The following CWC27 variants were observed in gnomAD, a reference collection of about 807,000 sequenced individuals.
The protein encoded by CWC27 is spliceosome-associated protein CWC27 homolog.
Under a neutral mutation model 63.6 loss-of-function variants are expected in CWC27, and 47 were observed. The observed-to-expected ratio is 0.74, with a 90% confidence interval of 0.58 to 0.94. The LOEUF (loss-of-function observed/expected upper bound fraction) is 0.94. CWC27 is among the 40% of genes least tolerant of loss of function. CWC27 has a pLI of 0.00. For synonymous variants in CWC27, 175 were observed against 179.8 expected (o/e 0.97, Z 0.22); for missense variants, 495 against 554.3 (o/e 0.89, Z 1.07).
In CWC27 at chr5:64,769,339, G is replaced by A. The variant is rs1213134699; in HGVS notation, c.42+151G>A. 5.7e-6 allele frequency: 4 copies of A among 700,454 alleles called. No individual in the cohort carries two copies. In the East Asian group the frequency reaches 1.1e-4, roughly 19 times the overall value. The allele number at this position is 700,454 out of a possible 1,614,324, so 43.4% of individuals were successfully genotyped here. ...TCCTGCATGTGGACAATGTTGCATC[G>A]AAACACTGATGTTGGTACTTTTCAG... On this transcript the variant is annotated intron_variant, in intron 1 of 13. Transcript: ENST00000381070.
intron 13 of CWC27, among the ~76,000 whole-genome samples, chr5:64,992,186 C>T: frequency 6.6e-6 from 1 of 152,200 alleles, no homozygotes; most frequent in East Asian, 1.9e-4. Flanking sequence ...GGGCTCATAA[C>T]TTAGGGACTA....
At chr5:65,015,044 AAGAC>A (rs1273535138) in intron 13 of CWC27, among the ~76,000 whole-genome samples, 1 of 152,184 alleles carries the variant, frequency 6.6e-6, no homozygotes, top group East Asian at 1.9e-4. Context: ...ACAGTTGAAA[AAGAC>A]AGCTCCTTTA....
intron 10 of CWC27, among the ~76,000 whole-genome samples, chr5:64,828,241 T>C (rs905065333): frequency 5.9e-5 from 9 of 152,152 alleles, no homozygotes; most frequent in Non-Finnish European, 8.8e-5. Flanking sequence ...TATACTACCA[T>C]TGTTTTCCTA....
intron 11 of CWC27, among the ~76,000 whole-genome samples, chr5:64,923,218 G>T (rs951521625): frequency 1.3e-5 from 2 of 152,164 alleles, no homozygotes; most frequent in Non-Finnish European, 2.9e-5. Context: ...GCACTATTGT[G>T]GTAGTCACTG....
Position 64,869,981 on chromosome 5 carries a change from A to G in CWC27, c.939-15462A>G, listed in dbSNP as rs536299265. 6.8e-4 allele frequency among the ~76,000 whole-genome samples: 103 copies of G among 151,928 alleles called. 2 individuals carry two copies. The highest frequency in any genetic ancestry group is 2.4e-3 in the African/African-American group (100 of 41,466). On this transcript the variant is annotated intron_variant, in intron 10 of 13. Coordinates refer to ENST00000381070, the MANE Select transcript of CWC27 (RefSeq NM_005869.4). ...TGCCCCCATGGCTCTTAGGATGGGGAAAAAAAACTAAAAAATGAGAGTGAA... is the reference window on the plus strand; with the variant it reads ...TGCCCCCATGGCTCTTAGGATGGGGGAAAAAAACTAAAAAATGAGAGTGAA...
chr5:64,920,606 G>T (rs1747978652), intron 11 of CWC27, among the ~76,000 whole-genome samples: 1 of 152,190 alleles, frequency 6.6e-6, no homozygotes, highest in Non-Finnish European at 1.5e-5. Flanking sequence ...TGGTTGGTAG[G>T]CTTGTTTTAC....
chr5:64,768,986 A>T lies in CWC27; in HGVS notation c.-161A>T, dbSNP rs1016518836. On this transcript the variant is annotated 5_prime_UTR_variant, in exon 1 of 14. Coordinates refer to ENST00000381070, the MANE Select transcript of CWC27 (RefSeq NM_005869.4). ...GCGTCCGTGAGGGGCTCCTTTGGGC[A>T]GGGGTAGTGTTTGGTGTCCCTGTCT... 2 of 630,348 alleles carry T rather than the reference A, an allele frequency of 3.2e-6. No homozygotes were observed. The highest frequency in any genetic ancestry group is 5.7e-6 in the Non-Finnish European group (2 of 353,376). 39.0% of individuals were successfully genotyped at this position (630,348 alleles called of 1,614,324 possible).
In CWC27 at chr5:64,960,715, A is replaced by G. The variant is rs540139811; in HGVS notation, c.1043-10988A>G. Among the ~76,000 whole-genome samples the G allele has an allele frequency of 5.9e-5, 9 of 152,298 alleles. 1 individual carries two copies. In the South Asian group the frequency reaches 1.0e-3, roughly 18 times the overall value. On this transcript the variant is annotated intron_variant, in intron 11 of 13. Transcript: ENST00000381070. ...AAAATTTTCTTGAAATAGTAAATCC[A>G]GAGACATTTAAAATCATTTATAAGC...
At chr5:64,887,839 A>G (rs1294326145) in intron 11 of CWC27, among the ~76,000 whole-genome samples, 1 of 152,222 alleles carries the variant, frequency 6.6e-6, no homozygotes, top group Admixed American at 6.5e-5. Flanking sequence ...ATTTTAAAAG[A>G]TCACAGTAAC....
intron 11 of CWC27, among the ~76,000 whole-genome samples, chr5:64,921,707 A>G (rs1229197565): frequency 1.3e-5 from 2 of 152,040 alleles, no homozygotes; most frequent in Admixed American, 6.5e-5. Flanking sequence ...TCATGTTGTT[A>G]CCTGTGTGTT....
intron 3 of CWC27, 129 bp downstream of exon 3, chr5:64,782,162 A>G: frequency 2.0e-6 from 1 of 499,136 alleles, no homozygotes. Flanking sequence ...GTATATAAAC[A>G]TCAGGCTGGG....
chr5:64,952,943 A>C (rs1237828265), intron 11 of CWC27, among the ~76,000 whole-genome samples: 1 of 152,114 alleles, frequency 6.6e-6, no homozygotes, highest in Non-Finnish European at 1.5e-5. Flanking sequence ...AACATCAAAA[A>C]TACGTTTTTT....
At chr5:64,856,887 C>T (rs1746271019) in intron 10 of CWC27, among the ~76,000 whole-genome samples, 1 of 152,068 alleles carries the variant, frequency 6.6e-6, no homozygotes, top group South Asian at 2.1e-4. Flanking sequence ...TACAGTAACA[C>T]TTTGTGATGG....
At chr5:64,780,358 T>G (rs1743623639) in intron 2 of CWC27, among the ~76,000 whole-genome samples, 1 of 105,312 alleles carries the variant, frequency 9.5e-6, no homozygotes, top group Non-Finnish European at 2.0e-5. Flanking sequence ...AGTGCTGCTA[T>G]GAACATTTGT....
chr5:64,998,396 G>T (rs758766541), intron 13 of CWC27, among the ~76,000 whole-genome samples: 1 of 152,096 alleles, frequency 6.6e-6, no homozygotes, highest in Non-Finnish European at 1.5e-5. Flanking sequence ...TTCTGGAAAG[G>T]CTCTTAAATC....
intron 11 of CWC27, among the ~76,000 whole-genome samples, chr5:64,947,892 C>T (rs1748620399): frequency 6.6e-6 from 1 of 152,004 alleles, no homozygotes; most frequent in African/African-American, 2.4e-5. Context: ...GAATCACCTT[C>T]TGTGTTATGT....
chr5:65,015,104 T>G (rs889494023), intron 13 of CWC27, among the ~76,000 whole-genome samples: 2 of 152,190 alleles, frequency 1.3e-5, no homozygotes, highest in African/African-American at 4.8e-5. Flanking sequence ...GAAATCTGTT[T>G]CTTCTTGTGG....
At chr5:65,004,873 T>C (rs1580777132) in intron 13 of CWC27, among the ~76,000 whole-genome samples, 1 of 27,200 alleles carries the variant, frequency 3.7e-5, no homozygotes, top group African/African-American at 1.7e-4. Context: ...TATATATATA[T>C]ATATATATAT....
chr5:64,951,123 A>G (rs941501287), intron 11 of CWC27, among the ~76,000 whole-genome samples: 4 of 151,924 alleles, frequency 2.6e-5, no homozygotes, highest in African/African-American at 9.7e-5. Context: ...TTTCTGGGTC[A>G]TATGGTAGTT....
Sources: allele counts gnomAD v4.1 joint callset (sites outside exome capture counted in the v4.1 genomes callset), GRCh38; gene constraint gnomAD v4.1.1; transcripts MANE v1.5; gene names NCBI Gene and HGNC (gene_info 2026-07-23, HGNC 2026-07-21).